Variants in GDA observed in about 807,000 individuals in gnomAD.
GDA encodes guanine deaminase.
A neutral mutation model predicts 59.6 loss-of-function variants in GDA; 18 were observed. The ratio of observed to expected loss-of-function variants is 0.30; its 90% CI spans 0.21 to 0.45. The LOEUF is 0.45. Ranked by LOEUF, GDA falls within the 20% of genes least tolerant of loss-of-function variation. The pLI is 1.00. For synonymous variants in GDA, 201 were observed against 201.1 expected (o/e 1.00, Z 0.00); for missense variants, 427 against 552.3 (o/e 0.77, Z 2.27).
intron 3 of GDA, among the ~76,000 whole-genome samples, chr9:72,210,148 T>C (rs1835181114): frequency 6.6e-6 from 1 of 152,180 alleles, no homozygotes; most frequent in Non-Finnish European, 1.5e-5. Flanking sequence ...CAGGTTCTCG[T>C]CCATGTTTTT....
chr9:72,226,521 A>C (rs1837608762), intron 8 of GDA, among the ~76,000 whole-genome samples: 1 of 152,216 alleles, frequency 6.6e-6, no homozygotes, highest in South Asian at 2.1e-4. Flanking sequence ...CATTACTCCT[A>C]TAATTAAAAT....
At chr9:72,146,778 C>T (rs894617194), upstream of GDA, among the ~76,000 whole-genome samples, 14 of 152,222 alleles carry the variant, frequency 9.2e-5, no homozygotes, top group African/African-American at 3.4e-4. Context: ...AGTCATGAGC[C>T]ACCATGCCTG....
intron 1 of GDA, among the ~76,000 whole-genome samples, chr9:72,150,407 G>C (rs1564163452): frequency 6.6e-6 from 1 of 151,968 alleles, no homozygotes; most frequent in Non-Finnish European, 1.5e-5. Flanking sequence ...GGTTCAAAAT[G>C]TCTTCTTTGA....
chr9:72,197,657 C>G (rs1236353166), intron 2 of GDA: 5 of 152,010 alleles, frequency 3.3e-5, no homozygotes, highest in Admixed American at 6.6e-5. Context: ...AAGTACTGCA[C>G]ACAAGGAAGT....
At chr9:72,228,072 G>A (rs974947363) in intron 9 of GDA, 32 bp downstream of exon 9, 6 of 1,208,200 alleles carry the variant, frequency 5.0e-6, no homozygotes, top group South Asian at 1.2e-5. Context: ...GGTAGATTAC[G>A]AATGATTGGG....
upstream of GDA, among the ~76,000 whole-genome samples, chr9:72,145,897 C>T (rs1431978486): frequency 2.6e-5 from 4 of 152,298 alleles, no homozygotes; most frequent in Non-Finnish European, 5.9e-5. Context: ...AATATAGGCA[C>T]TAGAGCCATC....
intron 1 of GDA, among the ~76,000 whole-genome samples, chr9:72,183,898 T>C (rs1034897411): frequency 1.3e-5 from 2 of 152,230 alleles, no homozygotes; most frequent in African/African-American, 2.4e-5. Flanking sequence ...TCTACAGAGA[T>C]CAGAAGAGTT....
rs775308356 is a variant in GDA at position 72,195,607 on chromosome 9, C to T, written c.212+19C>T. 2.6e-6 allele frequency: 3 copies of T among 1,171,464 alleles called. No individual in the cohort carries two copies. Among genetic ancestry groups the T allele is most frequent in the Non-Finnish European group, 3.7e-6 (3 of 809,914 alleles). 72.6% of individuals were successfully genotyped at this position (1,171,464 alleles called of 1,614,324 possible). ...GCCACCAGTAAGTTGTTACTTCTTC[C>T]CTTTTACTGGGTGCCACTAATAAGC... On this transcript the variant is annotated intron_variant, in intron 2 of 13. Transcript: ENST00000358399.
intron 3 of GDA, among the ~76,000 whole-genome samples, chr9:72,208,621 G>T (rs1003175901): frequency 2.0e-5 from 3 of 152,246 alleles, no homozygotes; most frequent in Non-Finnish European, 4.4e-5. Flanking sequence ...GATTACTCTT[G>T]TGTTTTACTA....
intron 4 of GDA, among the ~76,000 whole-genome samples, chr9:72,213,232 C>T (rs1835612603): frequency 6.6e-6 from 1 of 152,150 alleles, no homozygotes; most frequent in South Asian, 2.1e-4. Flanking sequence ...CACGCCACTG[C>T]ACTCCAGGCT....
intron 1 of GDA, among the ~76,000 whole-genome samples, chr9:72,157,990 G>T (rs1235625232): frequency 3.9e-5 from 6 of 152,132 alleles, no homozygotes; most frequent in Non-Finnish European, 8.8e-5. Context: ...TCTTTGCCTG[G>T]AATAGTCCTC....
At position 72,140,489 on chromosome 9, in the gene GDA, ATTG is replaced by A. The variant is rs989572203; in HGVS notation, c.-100+25668_-100+25670del. ...GAAAGAGTGTGACCATAGATTTTTC[ATTG>A]TTGTTGTTGTTATGCAAAACAATAT... On this transcript the variant is annotated intron_variant, in intron 1 of 13. Transcript: ENST00000545168. 2.4e-4 allele frequency among the ~76,000 whole-genome samples: 37 copies of A among 152,116 alleles called. 1 individual carries two copies. Among genetic ancestry groups the A allele is most frequent in the South Asian group, 1.9e-3 (9 of 4,812 alleles).
chr9:72,120,996 G>C (rs1430416719), intron 1 of GDA, among the ~76,000 whole-genome samples: 1 of 152,028 alleles, frequency 6.6e-6, no homozygotes, highest in Non-Finnish European at 1.5e-5. Flanking sequence ...CTCCATTAAT[G>C]AGTCCCCTCT....
At chr9:72,119,517 A>G (rs1019764178) in intron 1 of GDA, among the ~76,000 whole-genome samples, 2 of 152,200 alleles carry the variant, frequency 1.3e-5, no homozygotes, top group Admixed American at 6.5e-5. Flanking sequence ...TTTCAAAATT[A>G]TCCCTTTTGC....
chr9:72,194,800 G>A (rs1433557220), intron 1 of GDA, among the ~76,000 whole-genome samples: 1 of 152,214 alleles, frequency 6.6e-6, no homozygotes, highest in Admixed American at 6.5e-5. Flanking sequence ...GGAAACTCAA[G>A]TCCCAACTGC....
intron 1 of GDA, among the ~76,000 whole-genome samples, chr9:72,191,529 TG>T (rs1278416856): frequency 6.6e-6 from 1 of 150,832 alleles, no homozygotes; most frequent in Non-Finnish European, 1.5e-5. Context: ...CAGACTGCAG[TG>T]GTGCTATCTT....
At chr9:72,152,922 A>G (rs1264113255) in intron 1 of GDA, among the ~76,000 whole-genome samples, 1 of 152,088 alleles carries the variant, frequency 6.6e-6, no homozygotes, top group Non-Finnish European at 1.5e-5. Flanking sequence ...TTATGGTTTT[A>G]GGTCTAACGT....
intron 1 of GDA, among the ~76,000 whole-genome samples, chr9:72,193,188 T>G (rs1285154587): frequency 6.6e-6 from 1 of 152,220 alleles, no homozygotes; most frequent in Non-Finnish European, 1.5e-5. Flanking sequence ...TCTTGATACT[T>G]GTAGATGTTT....
chr9:72,131,784 T>C (rs946755121), intron 1 of GDA, among the ~76,000 whole-genome samples: 1 of 152,174 alleles, frequency 6.6e-6, no homozygotes, highest in Admixed American at 6.5e-5. Flanking sequence ...AAAGTAACTG[T>C]GTCAAGAAAA....
Sources: allele counts gnomAD v4.1 joint callset (sites outside exome capture counted in the v4.1 genomes callset), GRCh38; gene constraint gnomAD v4.1.1; transcripts MANE v1.5; gene names NCBI Gene and HGNC (gene_info 2026-07-23, HGNC 2026-07-21).